Variants in DDX60 observed in about 807,000 individuals in gnomAD.
DDX60 encodes probable ATP-dependent RNA helicase DDX60.
DDX60 carries 165 observed loss-of-function variants against 212.8 expected under a neutral mutation model. The observed-to-expected ratio is 0.78, with a 90% confidence interval of 0.68 to 0.88. The LOEUF is 0.88. DDX60 is among the 40% of genes least tolerant of loss of function. DDX60 has a pLI of 0.00. For missense variants in DDX60, 1,905 were observed against 2,003.9 expected, an observed-to-expected ratio of 0.95 and a Z score of 0.94; for synonymous variants, 703 against 685.3, an observed-to-expected ratio of 1.03 and a Z score of -0.40.
At chr4:168,313,380 G>T (rs920880205) in intron 1 of DDX60, among the ~76,000 whole-genome samples, 2 of 152,118 alleles carry the variant, frequency 1.3e-5, no homozygotes, top group African/African-American at 4.8e-5. Context: ...CATAGGACAG[G>T]GTGACTCATT....
intron 29 of DDX60, 67 bp from the exon 30 acceptor site, chr4:168,246,685 G>A: frequency 6.5e-7 from 1 of 1,529,694 alleles, no homozygotes; most frequent in Non-Finnish European, 9.0e-7. Context: ...GTGTAAGAAT[G>A]AGCCCTTTAC....
chr4:168,323,252 A>C (rs9999207), upstream of DDX60, among the ~76,000 whole-genome samples: 4,246 of 152,284 alleles, frequency 0.028, 211 homozygotes, highest in African/African-American at 0.095. Flanking sequence ...GAGGGAGAGG[A>C]TCAAATAGTG....
intron 25 of DDX60, among the ~76,000 whole-genome samples, chr4:168,256,374 G>T (rs939455533): frequency 5.9e-5 from 9 of 152,216 alleles, no homozygotes; most frequent in African/African-American, 2.2e-4. Flanking sequence ...AACCCTAGTT[G>T]TTGCTGGACT....
intron 16 of DDX60, among the ~76,000 whole-genome samples, chr4:168,274,640 G>A (rs540107232): frequency 2.6e-5 from 4 of 152,264 alleles, no homozygotes; most frequent in South Asian, 2.1e-4. Context: ...GGCATCAGAA[G>A]AGTTACAATG....
chr4:168,259,205 T>G (rs909850854), intron 25 of DDX60, among the ~76,000 whole-genome samples: 1 of 152,208 alleles, frequency 6.6e-6, no homozygotes, highest in Non-Finnish European at 1.5e-5. Context: ...CCTAAGGTGG[T>G]AGAAGTAAAA....
rs1201783634 is a variant in DDX60 at position 168,297,284 on chromosome 4, AGAGAGAGAGAGAC to A, written c.724-3352_724-3340del. 5.5e-4 allele frequency among the ~76,000 whole-genome samples: 72 copies of A among 130,046 alleles called. 3 individuals are homozygous for A. The highest frequency in any genetic ancestry group is 2.5e-3 in the African/African-American group (70 of 27,732). 85.3% of individuals were successfully genotyped at this position (130,046 alleles called of 152,430 possible). A position where few individuals can be genotyped will look rare whatever the true frequency, so the allele number is the denominator to read the frequency against. On this transcript the variant is annotated intron_variant, in intron 6 of 37. Transcript: ENST00000393743. ...GAAAGAAAGAAAAAGAAAGAAAGAA[AGAGAGAGAGAGAC>A]GAAAGAAAGAAAGAAAGAAAGAAAG...
At chr4:168,261,367 T>G (rs1436714351) in intron 24 of DDX60, among the ~76,000 whole-genome samples, 1 of 152,154 alleles carries the variant, frequency 6.6e-6, no homozygotes, top group Non-Finnish European at 1.5e-5. Context: ...GGTCTGTAAA[T>G]GACAGAATAG....
intron 13 of DDX60, among the ~76,000 whole-genome samples, chr4:168,282,823 A>G (rs904589016): frequency 6.6e-6 from 1 of 152,168 alleles, no homozygotes. Context: ...ATAATTTTAG[A>G]TCATAAACTA....
rs544148106 is a variant in DDX60, at chr4:168,311,334, C to G, written c.-75G>C. 2.7e-6 allele frequency: 4 copies of G among 1,507,924 alleles called. No homozygotes were observed. The highest frequency in any genetic ancestry group is 2.8e-5 in the African/African-American group (2 of 71,684). The allele number at this position is 1,507,924 out of a possible 1,614,324, so 93.4% of individuals were successfully genotyped here. On this transcript the variant is annotated 5_prime_UTR_variant, in exon 2 of 38. Transcript: ENST00000393743. Reference sequence around the variant, plus strand: ...GCAAATACCCTTTATTTTGGTACCTCTAAGTGGCAGTTCTTAATGAAAATG... The same window carrying G: ...GCAAATACCCTTTATTTTGGTACCTGTAAGTGGCAGTTCTTAATGAAAATG...
intron 30 of DDX60, among the ~76,000 whole-genome samples, chr4:168,240,234 G>A (rs374481184): frequency 2.0e-5 from 3 of 152,116 alleles, no homozygotes; most frequent in African/African-American, 7.2e-5. Context: ...GCTACAAAGA[G>A]AATATAATAC....
intron 25 of DDX60, among the ~76,000 whole-genome samples, chr4:168,259,778 C>G (rs1168720925): frequency 6.6e-6 from 1 of 151,082 alleles, no homozygotes; most frequent in Non-Finnish European, 1.5e-5. Context: ...CTATTTGATA[C>G]TATAATATAT....
intron 32 of DDX60, among the ~76,000 whole-genome samples, chr4:168,237,020 A>T (rs1186333264): frequency 6.6e-6 from 1 of 151,474 alleles, no homozygotes; most frequent in East Asian, 1.9e-4. Context: ...TATATTATTT[A>T]ATATGTTATT....
intron 15 of DDX60, among the ~76,000 whole-genome samples, 183 bp from the exon 16 acceptor site, chr4:168,275,686 C>G (rs185880819): frequency 2.0e-5 from 3 of 151,992 alleles, no homozygotes; most frequent in Non-Finnish European, 2.9e-5. Context: ...TTCAAATATA[C>G]GTCATGATAT....
intron 33 of DDX60, 109 bp from the exon 34 acceptor site, chr4:168,225,785 TA>T: frequency 1.1e-6 from 1 of 930,426 alleles, no homozygotes; most frequent in Non-Finnish European, 1.5e-6. Flanking sequence ...TATAGTTATC[TA>T]TTAATATTTA....
chr4:168,297,297 CGAAA>C (rs70961508), intron 6 of DDX60, among the ~76,000 whole-genome samples: 2,120 of 67,294 alleles, frequency 0.032, 14 homozygotes, highest in Middle Eastern at 0.043. Context: ...GAGAGAGAGA[CGAAA>C]GAAAGAAAGA....
chr4:168,317,736 G>A (rs967878819), intron 1 of DDX60, among the ~76,000 whole-genome samples: 4 of 152,130 alleles, frequency 2.6e-5, no homozygotes, highest in Non-Finnish European at 4.4e-5. Flanking sequence ...CCCCAAAGAG[G>A]CTTATACCTT....
At chr4:168,322,320 C>T (rs1737623986), upstream of DDX60, among the ~76,000 whole-genome samples, 1 of 152,298 alleles carries the variant, frequency 6.6e-6, no homozygotes, top group South Asian at 2.1e-4. Flanking sequence ...AAGTTAGAAA[C>T]CTGGGAGCCA....
Position 168,225,724 on chromosome 4 carries a change from C to A in DDX60, c.4534-48G>T. ...AGAGATAGATCTATTTACCTTCCTT[C>A]AAAACTGAATCGTTGGAAGAAGAAA... On this transcript the variant is annotated intron_variant, in intron 33 of 37. Transcript: ENST00000393743. 2.6e-6 allele frequency: 4 copies of A among 1,555,758 alleles called. No individual in the cohort carries two copies. In the South Asian group the frequency reaches 3.6e-5, roughly 14 times the overall value.
rs746329232 is a variant in DDX60 at position 168,274,029 on chromosome 4, T to C, written c.2359A>G (p.Thr787Ala). ...KNESAVIVAP[T>A]SSGKTYASYY... is the part of the protein sequence containing the mutation. ...GAGGCATAGGTTTTGCCTGAGGACG[T>C]TGGGGCAACAATCACTGCTGACTCA... The change falls in exon 17 of 38, where the codon ACG becomes GCG. Residue 787 changes from threonine to alanine, a missense_variant. Transcript: ENST00000393743. 8 of 1,614,214 alleles carry C rather than the reference T, an allele frequency of 5.0e-6. No homozygotes were observed. Among genetic ancestry groups the C allele is most frequent in the Middle Eastern group, 3.3e-4 (2 of 6,062 alleles).
Sources: gnomAD v4.1 joint callset for allele counts (sites outside exome capture counted in the v4.1 genomes callset) on GRCh38, gnomAD v4.1.1 for gene constraint, MANE v1.5 for transcripts, NCBI Gene and HGNC (gene_info 2026-07-23, HGNC 2026-07-21) for gene names.